Variants in MCTP1 observed in about 807,000 individuals in gnomAD.
The protein encoded by MCTP1 is multiple C2 and transmembrane domain containing 1, also known as multiple C2 and transmembrane domain-containing protein 1.
A neutral mutation model predicts 120.6 loss-of-function variants in MCTP1; 69 were observed. That is an observed-to-expected ratio of 0.57 (90% CI 0.47 to 0.70). The LOEUF (loss-of-function observed/expected upper bound fraction) is 0.70. Among genes scored for constraint, MCTP1 ranks in the 30% least tolerant of loss-of-function variants. The probability of loss-of-function intolerance (pLI) is 0.00; values close to 1 mark genes in which losing one functional copy is unlikely to be tolerated. For missense variants in MCTP1, 1,203 were observed against 1,248.8 expected (o/e 0.96, Z 0.55); for synonymous variants, 529 against 493.1 (o/e 1.07, Z -0.96).
intron 1 of MCTP1, among the ~76,000 whole-genome samples, chr5:95,091,255 C>G (rs895013921): frequency 1.3e-5 from 2 of 152,226 alleles, no homozygotes; most frequent in African/African-American, 4.8e-5. Flanking sequence ...GCCCTGTCCA[C>G]CTCTCATTCC....
chr5:94,953,149 C>A, intron 3 of MCTP1, 70 bp downstream of exon 3: 1 of 1,404,654 alleles, frequency 7.1e-7, no homozygotes, highest in Non-Finnish European at 9.6e-7. Context: ...GACAAAGAAA[C>A]ATGATAAAAC....
intron 1 of MCTP1, among the ~76,000 whole-genome samples, chr5:95,126,372 C>T (rs763459988): frequency 3.9e-5 from 6 of 152,026 alleles, no homozygotes; most frequent in Non-Finnish European, 7.4e-5. Flanking sequence ...GAAATGAAGG[C>T]GAGTCATAAA....
chr5:95,220,390 C>A (rs1753554389), intron 1 of MCTP1, among the ~76,000 whole-genome samples: 3 of 150,740 alleles, frequency 2.0e-5, no homozygotes, highest in African/African-American at 7.3e-5. Context: ...CAAGCATGTA[C>A]AAACACTGAC....
intron 1 of MCTP1, among the ~76,000 whole-genome samples, chr5:95,087,208 A>G (rs1755500953): frequency 6.6e-6 from 1 of 152,202 alleles, no homozygotes; most frequent in African/African-American, 2.4e-5. Context: ...GCAAACCAAG[A>G]TGTGTTTCCC....
chr5:94,927,719 A>G (rs913773790), intron 6 of MCTP1, among the ~76,000 whole-genome samples: 3 of 152,294 alleles, frequency 2.0e-5, no homozygotes, highest in Middle Eastern at 3.4e-3. Context: ...TAAAGCACTT[A>G]GAGTTTTTGC....
intron 18 of MCTP1, among the ~76,000 whole-genome samples, chr5:94,788,225 T>C (rs1236278000): frequency 6.6e-6 from 1 of 152,180 alleles, no homozygotes; most frequent in Non-Finnish European, 1.5e-5. Context: ...ATGAAGTAAA[T>C]TCAGTAAGTA....
intron 11 of MCTP1, among the ~76,000 whole-genome samples, chr5:94,891,112 A>C (rs1435248014): frequency 6.6e-6 from 1 of 152,208 alleles, no homozygotes; most frequent in Non-Finnish European, 1.5e-5. Flanking sequence ...TATTGAGAGG[A>C]GGAAATGCGG....
chr5:94,742,282 C>T (rs1450741574), intron 19 of MCTP1, among the ~76,000 whole-genome samples: 1 of 152,240 alleles, frequency 6.6e-6, no homozygotes, highest in East Asian at 1.9e-4. Flanking sequence ...CTCAAACTCT[C>T]GGGTATAAGT....
chr5:95,188,133 T>G (rs1010648539), intron 1 of MCTP1, among the ~76,000 whole-genome samples: 6 of 152,108 alleles, frequency 3.9e-5, no homozygotes, highest in African/African-American at 1.4e-4. Flanking sequence ...GACAGATACA[T>G]AGATGGCAAA....
intron 6 of MCTP1, among the ~76,000 whole-genome samples, chr5:94,925,299 A>G (rs1189516080): frequency 2.0e-5 from 3 of 152,202 alleles, no homozygotes; most frequent in Non-Finnish European, 4.4e-5. Context: ...AAACAGCATA[A>G]ACTATTCATG....
intron 17 of MCTP1, chr5:94,826,181 G>A: frequency 5.1e-6 from 2 of 392,676 alleles, no homozygotes; most frequent in Non-Finnish European, 9.8e-6. Flanking sequence ...AGCAATCAAA[G>A]CATTATCTGT....
intron 1 of MCTP1, among the ~76,000 whole-genome samples, chr5:95,173,367 C>T (rs1322944577): frequency 6.6e-6 from 1 of 151,860 alleles, no homozygotes; most frequent in East Asian, 1.9e-4. Context: ...TTAGTCACTA[C>T]AAGTAAAATA....
chr5:94,994,732 GA>G (rs1454120580), intron 2 of MCTP1, among the ~76,000 whole-genome samples: 1 of 152,130 alleles, frequency 6.6e-6, no homozygotes, highest in Non-Finnish European at 1.5e-5. Flanking sequence ...TGAGTCAGTG[GA>G]CTGCAAAAGG....
At chr5:94,719,690 G>A (rs1329855302) in intron 19 of MCTP1, among the ~76,000 whole-genome samples, 1 of 152,164 alleles carries the variant, frequency 6.6e-6, no homozygotes, top group African/African-American at 2.4e-5. Context: ...AATGTGGGGA[G>A]GGAGGGCATC....
intron 1 of MCTP1, among the ~76,000 whole-genome samples, chr5:95,113,810 G>A (rs1197480833): frequency 2.0e-5 from 3 of 152,230 alleles, no homozygotes; most frequent in Non-Finnish European, 2.9e-5. Context: ...AGCCAGGGTA[G>A]CTAAGGGAGT....
chr5:94,897,203 C>T (rs149081255), intron 10 of MCTP1, among the ~76,000 whole-genome samples: 128 of 150,866 alleles, frequency 8.5e-4, no homozygotes, highest in African/African-American at 2.7e-3. Flanking sequence ...GCTGGGACTA[C>T]GGGTGCGTGC....
chr5:94,821,230 A>G (rs1263613165), intron 17 of MCTP1, among the ~76,000 whole-genome samples: 2 of 152,230 alleles, frequency 1.3e-5, no homozygotes, highest in Non-Finnish European at 2.9e-5. Flanking sequence ...TTTTGTTCAC[A>G]TTATACAGTG....
intron 1 of MCTP1, chr5:95,081,283 TA>T: frequency 1.7e-6 from 1 of 596,204 alleles, no homozygotes. Flanking sequence ...TACTGTAAAT[TA>T]AAAATTATCT....
intron 10 of MCTP1, among the ~76,000 whole-genome samples, chr5:94,905,135 T>G (rs1403033032): frequency 6.6e-6 from 1 of 152,088 alleles, no homozygotes; most frequent in African/African-American, 2.4e-5. Context: ...AGTGGATCCC[T>G]GAAGAAAGTT....
Sources: allele counts gnomAD v4.1 joint callset (sites outside exome capture counted in the v4.1 genomes callset), GRCh38; gene constraint gnomAD v4.1.1; transcripts MANE v1.5; gene names NCBI Gene and HGNC (gene_info 2026-07-23, HGNC 2026-07-21).